Variants in RGS6 observed in about 807,000 individuals in gnomAD.
RGS6 encodes the protein regulator of G-protein signaling 6.
A neutral mutation model predicts 78.5 loss-of-function variants in RGS6; 30 were observed. The observed-to-expected ratio is 0.38, with a 90% confidence interval of 0.29 to 0.52. The LOEUF (loss-of-function observed/expected upper bound fraction) is 0.52, where lower values mean the gene tolerates loss of function less well. Ranked by LOEUF, RGS6 falls within the 20% of genes least tolerant of loss-of-function variation. The probability of loss-of-function intolerance (pLI) is 0.85; values close to 1 mark genes in which losing one functional copy is unlikely to be tolerated. For missense variants in RGS6, 495 were observed against 609.7 expected, an observed-to-expected ratio of 0.81 and a Z score of 1.98; for synonymous variants, 206 against 206.0, an observed-to-expected ratio of 1.00 and a Z score of 0.00.
At chr14:72,493,221 C>T (rs536485280) in intron 12 of RGS6, among the ~76,000 whole-genome samples, 7 of 152,112 alleles carry the variant, frequency 4.6e-5, no homozygotes, top group African/African-American at 1.4e-4. Context: ...TCAAAATAAA[C>T]CGACAGAAAA....
At chr14:71,961,351 T>C (rs905918696) in intron 1 of RGS6, among the ~76,000 whole-genome samples, 1 of 152,122 alleles carries the variant, frequency 6.6e-6, no homozygotes, top group Admixed American at 6.5e-5. Flanking sequence ...TTATAGCCAA[T>C]GCCCAACTGA....
Position 72,458,296 on chromosome 14 carries a change from T to C in RGS6, c.261T>C (p.Leu87=), listed in dbSNP as rs757434493. The part of the protein sequence containing the change: ...DPVEAIHLGS[L]IAAQGYIFPI... ...TTGAAGCAATACACTTGGGGAGCCT[T>C]ATCGCTGCCCAGGGCTACATCTTTC... The change falls in exon 5 of 18, where the codon CTT becomes CTC. Residue 87 remains leucine, a synonymous_variant. Coordinates refer to ENST00000553525, the MANE Select transcript of RGS6 (RefSeq NM_001204424.2). 1 of 1,614,100 alleles carries C rather than the reference T, an allele frequency of 6.2e-7. No homozygotes were observed. The highest frequency in any genetic ancestry group is 8.5e-7 in the Non-Finnish European group (1 of 1,179,952).
intron 17 of RGS6, chr14:72,540,635 C>A (rs376877731): frequency 3.5e-6 from 5 of 1,434,862 alleles, no homozygotes; most frequent in African/African-American, 2.8e-5. Flanking sequence ...TGTGGCCTAG[C>A]TGGCGTGTGT....
chr14:72,326,487 G>A (rs2073796929), intron 2 of RGS6, among the ~76,000 whole-genome samples: 1 of 152,000 alleles, frequency 6.6e-6, no homozygotes, highest in Non-Finnish European at 1.5e-5. Flanking sequence ...GTGAGTGAGT[G>A]CTCACAAGAT....
chr14:72,010,214 T>C lies in RGS6; in HGVS notation c.84+45339T>C, dbSNP rs146860415. Among the ~76,000 whole-genome samples the C allele has an allele frequency of 3.7e-4, 56 of 152,332 alleles. 1 individual carries two copies. Among genetic ancestry groups the C allele is most frequent in the African/African-American group, 1.3e-3 (56 of 41,576 alleles). On this transcript the variant is annotated intron_variant, in intron 2 of 17. Transcript: ENST00000553525. ...TGCTGAAAAATTAATTACCAAATGT[T>C]TCAGGGCCTTATAAGATATTAATAT...
chr14:71,871,599 A>AT, the RGS6 span, among the ~76,000 whole-genome samples: 2 of 151,766 alleles, frequency 1.3e-5, no homozygotes, highest in South Asian at 2.1e-4. Flanking sequence ...CTGACTGTAG[A>AT]TTTTTTCCAT....
rs866962854 is a variant in RGS6, at chr14:72,225,827, A to G, written c.85-126268A>G. ...TTAAATATCTATTTCAATAAGTTCCATCTATCATGTTCACTGGCTGCTAAT... is the reference window on the plus strand; with the variant it reads ...TTAAATATCTATTTCAATAAGTTCCGTCTATCATGTTCACTGGCTGCTAAT... On this transcript the variant is annotated intron_variant, in intron 2 of 17. Transcript: ENST00000553525. Among the ~76,000 whole-genome samples the G allele has an allele frequency of 2.0e-5, 3 of 152,348 alleles. No homozygotes were observed. In the South Asian group the frequency reaches 6.2e-4, roughly 32 times the overall value.
At chr14:72,300,162 G>A (rs773156048) in intron 2 of RGS6, among the ~76,000 whole-genome samples, 1 of 151,710 alleles carries the variant, frequency 6.6e-6, no homozygotes, top group African/African-American at 2.4e-5. Context: ...TGTATTGATA[G>A]TAGCTTTTAC....
chr14:72,225,101 G>T (rs1313941363), intron 2 of RGS6, among the ~76,000 whole-genome samples: 2 of 152,098 alleles, frequency 1.3e-5, no homozygotes, highest in African/African-American at 2.4e-5. Context: ...ATAACTGAAG[G>T]TGCGTTTGAT....
intron 3 of RGS6, among the ~76,000 whole-genome samples, chr14:72,418,901 A>C (rs1051333103): frequency 2.6e-5 from 4 of 152,200 alleles, no homozygotes; most frequent in Non-Finnish European, 5.9e-5. Flanking sequence ...ACCATATCAA[A>C]TTGTGCAATT....
chr14:72,270,071 C>T (rs2059706540), intron 2 of RGS6, among the ~76,000 whole-genome samples: 1 of 152,198 alleles, frequency 6.6e-6, no homozygotes, highest in Non-Finnish European at 1.5e-5. Flanking sequence ...GCCCTGTGCA[C>T]AGAGAACCAT....
chr14:72,125,647 G>T (rs139501592), intron 2 of RGS6, among the ~76,000 whole-genome samples: 1 of 152,222 alleles, frequency 6.6e-6, no homozygotes, highest in African/African-American at 2.4e-5. Context: ...TGGGGGGAAA[G>T]GTGATTGGAG....
chr14:72,463,185 T>C (rs554665820), intron 6 of RGS6, among the ~76,000 whole-genome samples: 19 of 152,326 alleles, frequency 1.2e-4, no homozygotes, highest in African/African-American at 4.6e-4. Flanking sequence ...GAATGCCAGA[T>C]GTAAGGACAA....
intron 3 of RGS6, among the ~76,000 whole-genome samples, chr14:72,397,526 T>C (rs1451927631): frequency 6.6e-6 from 1 of 152,110 alleles, no homozygotes; most frequent in South Asian, 2.1e-4. Flanking sequence ...CTTTTCCTAA[T>C]TGAATACCCT....
At chr14:72,415,154 C>T (rs920259045) in intron 3 of RGS6, among the ~76,000 whole-genome samples, 7 of 152,266 alleles carry the variant, frequency 4.6e-5, no homozygotes, top group Admixed American at 3.9e-4. Context: ...GCTGCAGAGG[C>T]AGGCAGGCCT....
intron 2 of RGS6, among the ~76,000 whole-genome samples, chr14:72,329,985 C>G (rs2074636187): frequency 6.6e-6 from 1 of 152,220 alleles, no homozygotes; most frequent in South Asian, 2.1e-4. Context: ...GAAGCCTCCT[C>G]CGTGGTGAAC....
chr14:72,169,750 A>T (rs1479561321), intron 2 of RGS6, among the ~76,000 whole-genome samples: 1 of 152,126 alleles, frequency 6.6e-6, no homozygotes, highest in Non-Finnish European at 1.5e-5. Context: ...AGTGGAGGTG[A>T]TATATTCTTG....
At chr14:72,132,152 C>T (rs1323079136) in intron 2 of RGS6, among the ~76,000 whole-genome samples, 2 of 152,180 alleles carry the variant, frequency 1.3e-5, no homozygotes, top group African/African-American at 4.8e-5. Flanking sequence ...AGGTGGGAGG[C>T]TGCTGGCTTC....
At chr14:72,047,087 C>T (rs1421786499) in intron 2 of RGS6, among the ~76,000 whole-genome samples, 1 of 152,136 alleles carries the variant, frequency 6.6e-6, no homozygotes, top group East Asian at 1.9e-4. Context: ...CCGCTTTGGG[C>T]AGTAACTTGC....
Sources: allele counts gnomAD v4.1 joint callset (sites outside exome capture counted in the v4.1 genomes callset), GRCh38; gene constraint gnomAD v4.1.1; transcripts MANE v1.5; gene names NCBI Gene and HGNC (gene_info 2026-07-23, HGNC 2026-07-21).